DGKB: variants seen among roughly 807,000 people sequenced by gnomAD.
DGKB encodes diacylglycerol kinase beta, also known as 90 kDa diacylglycerol kinase.
Under a neutral mutation model 114.3 loss-of-function variants are expected in DGKB, and 67 were observed. The observed-to-expected ratio is 0.59, with a 90% CI of 0.48 to 0.72. The LOEUF (loss-of-function observed/expected upper bound fraction) is 0.72. DGKB is among the 30% of genes least tolerant of loss of function. The probability of loss-of-function intolerance (pLI) is 0.00; values close to 1 mark genes in which losing one functional copy is unlikely to be tolerated. For synonymous variants in DGKB, 398 were observed against 323.1 expected (o/e 1.23, Z -2.49); for missense variants, 907 against 975.2 (o/e 0.93, Z 0.93).
chr7:14,158,485 T>C (rs1265585434), intron 25 of DGKB, among the ~76,000 whole-genome samples: 1 of 152,216 alleles, frequency 6.6e-6, no homozygotes, highest in Non-Finnish European at 1.5e-5. Flanking sequence ...CACACTGTCT[T>C]ATTAGAAGAA....
rs565598225 is a variant in DGKB, at chr7:14,291,860, C to A, written c.2122+46655G>T. Among the ~76,000 whole-genome samples the A allele has an allele frequency of 1.2e-4, 19 of 152,222 alleles. No individual in the cohort carries two copies. The East Asian group carries it at 3.3e-3, about 26-fold the overall frequency. On this transcript the variant is annotated intron_variant, in intron 23 of 25. Coordinates refer to ENST00000402815, the MANE Select transcript of DGKB (RefSeq NM_001350709.2). The stretch of plus-strand genomic sequence containing the variant: ...AACATTTTGCTTCTTTAATCATCAG[C>A]TCTAGTTGTCATTTTAGACAACAAG...
chr7:14,804,026 C>G (rs2128057571), intron 2 of DGKB, among the ~76,000 whole-genome samples: 1 of 151,488 alleles, frequency 6.6e-6, no homozygotes, highest in Non-Finnish European at 1.5e-5. Context: ...CTCAATAACT[C>G]ATTTCATTTG....
chr7:14,769,262 GAAAGAAA>G (rs1562488944), intron 2 of DGKB, among the ~76,000 whole-genome samples: 2 of 86,736 alleles, frequency 2.3e-5, no homozygotes, highest in Admixed American at 1.4e-4. Flanking sequence ...AAGAAAGAAA[GAAAGAAA>G]GAAAGAAAGA....
chr7:14,544,625 C>A lies in DGKB; in HGVS notation c.1770+29587G>T, dbSNP rs913333062. ...TCAAACTTCAGTGTCTAATGGAAAACAATTTAGGTTATTATTTTTCAAAGA... is the reference window on the plus strand; with the variant it reads ...TCAAACTTCAGTGTCTAATGGAAAAAAATTTAGGTTATTATTTTTCAAAGA... On this transcript the variant is annotated intron_variant, in intron 20 of 25. Coordinates refer to ENST00000402815, the MANE Select transcript of DGKB (RefSeq NM_001350709.2). Among the ~76,000 whole-genome samples, 2 of 152,156 alleles carry A rather than the reference C, an allele frequency of 1.3e-5. 1 individual carries two copies. Among genetic ancestry groups the A allele is most frequent in the East Asian group, 3.9e-4 (2 of 5,180 alleles).
chr7:14,297,313 C>G (rs1419282268), intron 23 of DGKB, among the ~76,000 whole-genome samples: 1 of 152,126 alleles, frequency 6.6e-6, no homozygotes, highest in Admixed American at 6.5e-5. Flanking sequence ...CAGTAAAATA[C>G]TGGCAAACCA....
intron 1 of DGKB, among the ~76,000 whole-genome samples, chr7:14,884,506 C>T (rs1854716373): frequency 6.6e-6 from 1 of 151,942 alleles, no homozygotes; most frequent in South Asian, 2.1e-4. Flanking sequence ...TGTACTTCTC[C>T]TGCTCTGCTT....
chr7:14,526,791 A>C (rs1790714421), intron 20 of DGKB, among the ~76,000 whole-genome samples: 2 of 152,128 alleles, frequency 1.3e-5, no homozygotes, highest in African/African-American at 4.8e-5. Context: ...ACCTCCATAC[A>C]TACAAACCAA....
At chr7:14,867,076 A>G (rs1851806567) in intron 1 of DGKB, among the ~76,000 whole-genome samples, 1 of 151,552 alleles carries the variant, frequency 6.6e-6, no homozygotes, top group South Asian at 2.1e-4. Context: ...TAATTGAGTT[A>G]TTCGTTTCCA....
chr7:14,700,451 G>A (rs2129009406), intron 7 of DGKB, among the ~76,000 whole-genome samples: 1 of 152,196 alleles, frequency 6.6e-6, no homozygotes, highest in Non-Finnish European at 1.5e-5. Flanking sequence ...GACTTCAGGT[G>A]ATCGCCTGCC....
intron 20 of DGKB, among the ~76,000 whole-genome samples, chr7:14,554,548 GGGT>G (rs1160860293): frequency 6.6e-6 from 1 of 152,034 alleles, no homozygotes; most frequent in African/African-American, 2.4e-5. Flanking sequence ...ATGGATCAAA[GGGT>G]ATGCACATTT....
At chr7:14,505,641 A>C (rs1013097656) in intron 20 of DGKB, among the ~76,000 whole-genome samples, 1 of 152,250 alleles carries the variant, frequency 6.6e-6, no homozygotes, top group African/African-American at 2.4e-5. Context: ...GTGTGTGTAT[A>C]ATTATCTGCC....
chr7:14,557,963 C>T (rs1796107277), intron 20 of DGKB, among the ~76,000 whole-genome samples: 1 of 151,452 alleles, frequency 6.6e-6, no homozygotes, highest in East Asian at 1.9e-4. Flanking sequence ...TGTTCTTTTA[C>T]TTGTTTGCTG....
At chr7:14,319,554 G>A (rs926178946) in intron 23 of DGKB, among the ~76,000 whole-genome samples, 4 of 152,074 alleles carry the variant, frequency 2.6e-5, no homozygotes, top group Non-Finnish European at 5.9e-5. Context: ...CCTCACATAA[G>A]CAAAAGTTCT....
chr7:14,705,804 T>A (rs1260303720), intron 6 of DGKB, among the ~76,000 whole-genome samples: 1 of 148,476 alleles, frequency 6.7e-6, no homozygotes, highest in Non-Finnish European at 1.5e-5. Context: ...CTAAAAGAGC[T>A]CCTGAAGGAA....
chr7:14,800,526 C>T (rs1476391399), intron 2 of DGKB, among the ~76,000 whole-genome samples: 1 of 152,204 alleles, frequency 6.6e-6, no homozygotes, highest in Non-Finnish European at 1.5e-5. Context: ...CATCAGGCTC[C>T]AAGTTCTTCA....
intron 21 of DGKB, among the ~76,000 whole-genome samples, chr7:14,347,974 A>C (rs1376546910): frequency 6.6e-6 from 1 of 152,032 alleles, no homozygotes; most frequent in Non-Finnish European, 1.5e-5. Flanking sequence ...ATTCACATGC[A>C]GTTGTAAAAA....
intron 2 of DGKB, among the ~76,000 whole-genome samples, chr7:14,778,005 A>T (rs1187346704): frequency 6.6e-6 from 1 of 152,228 alleles, no homozygotes; most frequent in Admixed American, 6.5e-5. Context: ...CACATGCTTC[A>T]GTAAAAATGT....
intron 23 of DGKB, among the ~76,000 whole-genome samples, chr7:14,322,997 T>C (rs955051318): frequency 6.6e-6 from 1 of 152,196 alleles, no homozygotes; most frequent in Non-Finnish European, 1.5e-5. Context: ...TAGTAGCGTC[T>C]ACTATAGCTG....
At chr7:14,382,064 C>G (rs1280815191) in intron 21 of DGKB, among the ~76,000 whole-genome samples, 1 of 151,182 alleles carries the variant, frequency 6.6e-6, no homozygotes, top group Non-Finnish European at 1.5e-5. Flanking sequence ...TGTATTTACA[C>G]AAATCAATTA....
Sources: allele counts gnomAD v4.1 joint callset (sites outside exome capture counted in the v4.1 genomes callset), GRCh38; gene constraint gnomAD v4.1.1; transcripts MANE v1.5; gene names NCBI Gene and HGNC (gene_info 2026-07-23, HGNC 2026-07-21).